Variants in ZNF543 observed in about 807,000 individuals in gnomAD.
ZNF543 encodes zinc finger protein 543.
In ZNF543, 10 loss-of-function variants were observed where a neutral mutation model predicts 13.4. That is an observed-to-expected ratio of 0.75 (90% CI 0.46 to 1.26). The LOEUF (loss-of-function observed/expected upper bound fraction) is 1.26, where lower values mean the gene tolerates loss of function less well. Ranked by LOEUF, ZNF543 falls within the 50% of genes most tolerant of loss-of-function variation. ZNF543 has a pLI of 0.00. For synonymous variants in ZNF543, 272 were observed against 264.7 expected, an observed-to-expected ratio of 1.03 and a Z score of -0.27; for missense variants, 768 against 741.2, an observed-to-expected ratio of 1.04 and a Z score of -0.42.
At chr19:57,325,377 T>A (rs2088114714) in intron 2 of ZNF543, among the ~76,000 whole-genome samples, 1 of 152,198 alleles carries the variant, frequency 6.6e-6, no homozygotes, top group African/African-American at 2.4e-5. Context: ...AACTTCTCCA[T>A]AGAGTACTTA....
chr19:57,322,772 C>T (rs1244278185), intron 1 of ZNF543, among the ~76,000 whole-genome samples: 2 of 152,110 alleles, frequency 1.3e-5, no homozygotes, highest in African/African-American at 4.8e-5. Context: ...GTTTCCTTTA[C>T]AGCTTTTCTT....
chr19:57,323,970 A>G (rs947717873), intron 2 of ZNF543, among the ~76,000 whole-genome samples, 162 bp downstream of exon 2: 2 of 152,164 alleles, frequency 1.3e-5, no homozygotes, highest in Admixed American at 6.6e-5. Context: ...TCTGGTGTCC[A>G]GGAGTCCACT....
intron 2 of ZNF543, among the ~76,000 whole-genome samples, chr19:57,325,784 G>A (rs937864250): frequency 2.8e-4 from 42 of 152,082 alleles, no homozygotes; most frequent in African/African-American, 6.5e-4. Context: ...CTCCCAAAGC[G>A]TTGGGATTAC....
intron 2 of ZNF543, among the ~76,000 whole-genome samples, chr19:57,324,671 C>G (rs1331493516): frequency 6.6e-6 from 1 of 152,206 alleles, no homozygotes; most frequent in Non-Finnish European, 1.5e-5. Context: ...GTCACTTTAT[C>G]TGCCTGAGCC....
chr19:57,329,415 A>G lies in ZNF543; in HGVS notation c.*150A>G. The G allele has an allele frequency of 9.2e-7, 1 of 1,092,040 alleles. No homozygotes were observed. The highest frequency in any genetic ancestry group is 1.3e-6 in the Non-Finnish European group (1 of 777,052). 67.6% of individuals were successfully genotyped at this position (1,092,040 alleles called of 1,614,324 possible). On this transcript the variant is annotated 3_prime_UTR_variant, in exon 4 of 4. Transcript: ENST00000321545. The stretch of plus-strand genomic sequence containing the variant: ...CCTGGAGTCTTATTCTCCACCTGAG[A>G]ATTCACCCATGAGAGAGACCCAGTG...
chr19:57,326,856 T>TC, intron 3 of ZNF543, 128 bp downstream of exon 3: 2 of 565,856 alleles, frequency 3.5e-6, no homozygotes, highest in Non-Finnish European at 5.8e-6. Flanking sequence ...CCATGGAGCC[T>TC]CTCCCCGCCC....
Position 57,328,179 on chromosome 19 carries a change from C to T in ZNF543, c.717C>T (p.Ser239=). ...CTECGKTFSK[S]THLLQHLIIH... ...AGTGTGGGAAAACCTTTAGCAAGAG[C>T]ACTCATCTTCTTCAGCACCTCATCA... The change falls in exon 4 of 4, where the codon AGC becomes AGT. Residue 239 remains serine (S), a synonymous_variant. Coordinates refer to ENST00000321545, the MANE Select transcript of ZNF543 (RefSeq NM_213598.4). 6.2e-7 allele frequency: 1 copy of T among 1,613,186 alleles called. No individual in the cohort carries two copies. The highest frequency in any genetic ancestry group is 8.5e-7 in the Non-Finnish European group (1 of 1,179,270).
At position 57,330,262 on chromosome 19, in the gene ZNF543, ACT is replaced by A. The variant is rs1491538875; in HGVS notation, c.*998_*999del. 1 of 91,186 alleles carries A rather than the reference ACT, an allele frequency of 1.1e-5. No individual in the cohort carries two copies. Among genetic ancestry groups the A allele is most frequent in the Admixed American group, 1.2e-4 (1 of 8,414 alleles). The allele number at this position is 91,186 out of a possible 1,614,324, so 5.6% of individuals were successfully genotyped here. On this transcript the variant is annotated 3_prime_UTR_variant, in exon 4 of 4. Coordinates refer to ENST00000321545, the MANE Select transcript of ZNF543 (RefSeq NM_213598.4). ...ACATACTTTTTCTTGATGTGGATTT[ACT>A]TTTTTTTTTTTTTTTTAAGTTTTCC...
At position 57,328,697 on chromosome 19, in the gene ZNF543, A is replaced by G. The variant is rs1207053098; in HGVS notation, c.1235A>G (p.Gln412Arg). 1 of 1,612,930 alleles carries G rather than the reference A, an allele frequency of 6.2e-7. No individual in the cohort carries two copies. Among genetic ancestry groups the G allele is most frequent in the South Asian group, 1.1e-5 (1 of 91,024 alleles). The change falls in exon 4 of 4, where the codon CAG becomes CGG. Residue 412 changes from glutamine to arginine, a missense_variant. Physicochemically the swap from Gln to Arg is conservative, Grantham distance 43. This residue lies in a region of ZNF543 where 677 missense variants were observed against 631.4 expected (regional missense o/e 1.07). Transcript: ENST00000321545. ...KAFNRRSHLK[Q>R]HQRIHTGEKP... Reference sequence around the variant, plus strand: ...TTCAACCGTAGGTCACACCTCAAGCAGCATCAACGGATTCACACTGGGGAG... The same window carrying G: ...TTCAACCGTAGGTCACACCTCAAGCGGCATCAACGGATTCACACTGGGGAG...
At chr19:57,326,482 G>A in intron 2 of ZNF543, 151 bp from the exon 3 acceptor site, 2 of 590,282 alleles carry the variant, frequency 3.4e-6, no homozygotes, top group East Asian at 5.8e-5. Context: ...TGTTTTTGTG[G>A]TTGTTTTATG....
Position 57,328,692 on chromosome 19 carries a change from C to G in ZNF543, c.1230C>G (p.Leu410=). Residue 410 remains leucine (L), a synonymous_variant, in exon 4 of 4, where the codon CTC becomes CTG. Coordinates refer to ENST00000321545, the MANE Select transcript of ZNF543 (RefSeq NM_213598.4). The stretch of plus-strand genomic sequence containing the variant: ...AGGCGTTCAACCGTAGGTCACACCT[C>G]AAGCAGCATCAACGGATTCACACTG... ...CGKAFNRRSH[L]KQHQRIHTGE... 2 of 1,613,428 alleles carry G rather than the reference C, an allele frequency of 1.2e-6. No homozygotes were observed. Among genetic ancestry groups the G allele is most frequent in the Non-Finnish European group, 1.7e-6 (2 of 1,179,620 alleles).
chr19:57,320,894 TTGC>T, intron 1 of ZNF543, 23 bp downstream of exon 1: 2 of 1,613,986 alleles, frequency 1.2e-6, no homozygotes, highest in Non-Finnish European at 8.5e-7. Flanking sequence ...GGTTTTGGCC[TTGC>T]TGCTGCTCTG....
At chr19:57,326,122 A>C (rs1324713276) in intron 2 of ZNF543, among the ~76,000 whole-genome samples, 2 of 152,194 alleles carry the variant, frequency 1.3e-5, no homozygotes, top group Non-Finnish European at 2.9e-5. Context: ...GATTAAAAGT[A>C]ATTGGTACTA....
At chr19:57,321,295 A>G (rs1048223244) in intron 1 of ZNF543, among the ~76,000 whole-genome samples, 1 of 152,070 alleles carries the variant, frequency 6.6e-6, no homozygotes, top group Non-Finnish European at 1.5e-5. Context: ...CACTGCCCCT[A>G]TAACTTCGCA....
chr19:57,321,552 T>A (rs945713473), intron 1 of ZNF543, among the ~76,000 whole-genome samples: 3 of 152,262 alleles, frequency 2.0e-5, no homozygotes, highest in African/African-American at 7.2e-5. Context: ...GAGTCCTTGC[T>A]GTGGGCTGAT....
chr19:57,321,670 C>A (rs2088090789), intron 1 of ZNF543, among the ~76,000 whole-genome samples: 1 of 152,184 alleles, frequency 6.6e-6, no homozygotes, highest in South Asian at 2.1e-4. Context: ...CACATAGGTT[C>A]AATTACCTGC....
chr19:57,328,095 T>C lies in ZNF543; in HGVS notation c.633T>C (p.Asn211=), dbSNP rs1444087878. The change falls in exon 4 of 4, where the codon AAT becomes AAC. Residue 211 remains asparagine, a synonymous_variant. Transcript: ENST00000321545. The part of the protein sequence containing the change: ...CEECGKVFKK[N]ALLVQHERIH... ...AATGCGGGAAAGTGTTTAAAAAGAA[T>C]GCCCTCCTTGTTCAGCATGAACGGA... 6 of 1,614,134 alleles carry C rather than the reference T, an allele frequency of 3.7e-6. No individual in the cohort carries two copies. Among genetic ancestry groups the C allele is most frequent in the African/African-American group, 1.3e-5 (1 of 74,942 alleles).
In ZNF543 at chr19:57,329,293, C is replaced by T; in HGVS notation, c.*28C>T. The T allele has an allele frequency of 6.4e-7, 1 of 1,558,748 alleles. No homozygotes were observed. Among genetic ancestry groups the T allele is most frequent in the Non-Finnish European group, 8.7e-7 (1 of 1,155,822 alleles). The stretch of plus-strand genomic sequence containing the variant: ...GGGAACATCTTACCATCTGGCCATT[C>T]ACACTGAAGAGAAACTTCATAAGCA... On this transcript the variant is annotated 3_prime_UTR_variant, in exon 4 of 4. Coordinates refer to ENST00000321545, the MANE Select transcript of ZNF543 (RefSeq NM_213598.4).
chr19:57,327,579 A>G lies in ZNF543; in HGVS notation c.242-125A>G, dbSNP rs2088130106. The G allele has an allele frequency of 4.6e-6, 6 of 1,292,214 alleles. No homozygotes were observed. In the Admixed American group the frequency reaches 1.5e-4, roughly 33 times the overall value. The allele number at this position is 1,292,214 out of a possible 1,614,324, so 80.0% of individuals were successfully genotyped here. On this transcript the variant is annotated intron_variant, in intron 3 of 3. Coordinates refer to ENST00000321545, the MANE Select transcript of ZNF543 (RefSeq NM_213598.4). ...AGGCTGGTCTCAAACTCCTGACCTC[A>G]GGTGATCTGCCTGCCTTGGCCTCCC...
Sources: allele counts gnomAD v4.1 joint callset (sites outside exome capture counted in the v4.1 genomes callset), GRCh38; gene constraint gnomAD v4.1.1; regional missense constraint gnomAD v4.1.1; transcripts MANE v1.5; gene names NCBI Gene and HGNC (gene_info 2026-07-23, HGNC 2026-07-21).